The following SGCZ variants were observed in gnomAD, a reference collection of about 807,000 sequenced individuals.
The protein encoded by SGCZ is sarcoglycan zeta, also known as zeta-sarcoglycan.
Under a neutral mutation model 41.3 loss-of-function variants are expected in SGCZ, and 40 were observed. The ratio of observed to expected loss-of-function variants is 0.97; its 90% CI spans 0.75 to 1.26. The LOEUF (loss-of-function observed/expected upper bound fraction) is 1.26, where lower values mean the gene tolerates loss of function less well. SGCZ is among the 50% of genes most tolerant of loss of function. SGCZ has a pLI of 0.00. For missense variants in SGCZ, 552 were observed against 369.8 expected (o/e 1.49, Z -4.04); for synonymous variants, 206 against 137.5 (o/e 1.50, Z -3.49).
intron 1 of SGCZ, among the ~76,000 whole-genome samples, chr8:15,055,709 T>C (rs1319647569): frequency 2.6e-5 from 4 of 152,180 alleles, no homozygotes; most frequent in Non-Finnish European, 5.9e-5. Context: ...CAGGGAGACC[T>C]TGAGAAGCAA....
At chr8:14,202,457 G>C (rs1304551402) in intron 4 of SGCZ, among the ~76,000 whole-genome samples, 1 of 151,832 alleles carries the variant, frequency 6.6e-6, no homozygotes, top group Non-Finnish European at 1.5e-5. Context: ...GATAACGAAT[G>C]TACCAACTCT....
intron 1 of SGCZ, among the ~76,000 whole-genome samples, chr8:15,170,035 C>T (rs1799781941): frequency 6.6e-6 from 1 of 152,218 alleles, no homozygotes; most frequent in South Asian, 2.1e-4. Context: ...TGACACACTT[C>T]AGTTTGGATA....
intron 1 of SGCZ, among the ~76,000 whole-genome samples, chr8:15,223,919 A>AT (rs749210715): frequency 7.3e-5 from 11 of 151,580 alleles, no homozygotes; most frequent in Admixed American, 3.3e-4. Flanking sequence ...CAACGGTGCA[A>AT]TCTCAGCTCA....
At chr8:14,715,208 A>G (rs1481933545) in intron 1 of SGCZ, among the ~76,000 whole-genome samples, 1 of 152,186 alleles carries the variant, frequency 6.6e-6, no homozygotes, top group African/African-American at 2.4e-5. Flanking sequence ...AATACCTAAC[A>G]ATGGAAATCA....
chr8:14,878,450 G>A (rs1434665083), intron 1 of SGCZ, among the ~76,000 whole-genome samples: 1 of 152,088 alleles, frequency 6.6e-6, no homozygotes, highest in Non-Finnish European at 1.5e-5. Context: ...CTGATCTAGT[G>A]GGGGAAATAA....
intron 7 of SGCZ, among the ~76,000 whole-genome samples, chr8:14,091,440 T>C (rs1801687137): frequency 6.6e-6 from 1 of 152,056 alleles, no homozygotes; most frequent in Admixed American, 6.6e-5. Flanking sequence ...TTAACCAATT[T>C]ACACTCCCAC....
At chr8:14,450,516 G>A (rs77522186) in intron 2 of SGCZ, among the ~76,000 whole-genome samples, 2 of 152,108 alleles carry the variant, frequency 1.3e-5, no homozygotes, top group Admixed American at 6.5e-5. Flanking sequence ...GAGTGTTCCA[G>A]TACCTTTGGT....
intron 1 of SGCZ, among the ~76,000 whole-genome samples, chr8:14,629,290 C>T (rs1806566734): frequency 6.6e-6 from 1 of 150,978 alleles, no homozygotes; most frequent in Admixed American, 6.6e-5. Context: ...GCTTAATGCC[C>T]ACAAAAAGTT....
At chr8:14,153,451 G>C (rs1803774759) in intron 5 of SGCZ, among the ~76,000 whole-genome samples, 1 of 152,134 alleles carries the variant, frequency 6.6e-6, no homozygotes, top group Non-Finnish European at 1.5e-5. Flanking sequence ...GAGTAATTGG[G>C]AGTGCGATTC....
intron 3 of SGCZ, among the ~76,000 whole-genome samples, chr8:14,320,804 C>G (rs1037493865): frequency 6.6e-6 from 1 of 151,988 alleles, no homozygotes; most frequent in Non-Finnish European, 1.5e-5. Flanking sequence ...GGTGAGATAC[C>G]ACCTCACCTA....
At chr8:14,101,818 T>C (rs1003420888) in intron 7 of SGCZ, among the ~76,000 whole-genome samples, 1 of 151,802 alleles carries the variant, frequency 6.6e-6, no homozygotes, top group Non-Finnish European at 1.5e-5. Context: ...TCAAATTATA[T>C]GCATATGGTT....
At chr8:15,092,133 A>G (rs1806176291) in intron 1 of SGCZ, among the ~76,000 whole-genome samples, 1 of 152,198 alleles carries the variant, frequency 6.6e-6, no homozygotes, top group Non-Finnish European at 1.5e-5. Context: ...ACGGTCAGTG[A>G]AAACGCTGGT....
intron 1 of SGCZ, among the ~76,000 whole-genome samples, chr8:14,974,991 C>A (rs1801417929): frequency 6.6e-6 from 1 of 152,098 alleles, no homozygotes; most frequent in East Asian, 1.9e-4. Context: ...TGCTATGTCT[C>A]CAAGATCTAG....
At chr8:14,712,714 A>G (rs1016930221) in intron 1 of SGCZ, among the ~76,000 whole-genome samples, 1 of 152,106 alleles carries the variant, frequency 6.6e-6, no homozygotes, top group Non-Finnish European at 1.5e-5. Context: ...AGCCTTGAGA[A>G]TAGTTTTATT....
intron 1 of SGCZ, among the ~76,000 whole-genome samples, chr8:14,782,062 A>G (rs542646746): frequency 7.9e-5 from 12 of 152,270 alleles, no homozygotes; most frequent in African/African-American, 2.2e-4. Flanking sequence ...AAACTTGTAC[A>G]ATGTCCTTTT....
intron 1 of SGCZ, among the ~76,000 whole-genome samples, chr8:14,573,663 G>C (rs1324204307): frequency 6.6e-6 from 1 of 152,010 alleles, no homozygotes; most frequent in South Asian, 2.1e-4. Flanking sequence ...GGAGAGACTG[G>C]TTCCCAATTT....
chr8:14,756,415 C>T (rs971015342), intron 1 of SGCZ, among the ~76,000 whole-genome samples: 7 of 152,120 alleles, frequency 4.6e-5, no homozygotes, highest in Non-Finnish European at 7.3e-5. Context: ...AAACTCCCGA[C>T]CTCAGGTGAT....
At chr8:14,501,787 C>T (rs55677382) in intron 2 of SGCZ, among the ~76,000 whole-genome samples, 1 of 151,608 alleles carries the variant, frequency 6.6e-6, no homozygotes, top group African/African-American at 2.4e-5. Flanking sequence ...ATTCTAAATA[C>T]AACTCCAAAA....
intron 5 of SGCZ, among the ~76,000 whole-genome samples, chr8:14,141,295 A>G (rs181606438): frequency 2.6e-5 from 4 of 152,302 alleles, no homozygotes; most frequent in Admixed American, 6.5e-5. Context: ...AGCAATCACA[A>G]CAAGAGCCAA....
Sources: allele counts gnomAD v4.1 joint callset (sites outside exome capture counted in the v4.1 genomes callset), GRCh38; gene constraint gnomAD v4.1.1; transcripts MANE v1.5; gene names NCBI Gene and HGNC (gene_info 2026-07-23, HGNC 2026-07-21).